Variants in GPC4 observed in about 807,000 individuals in gnomAD.
The protein encoded by GPC4 is glypican-4.
GPC4 carries 10 observed loss-of-function variants against 35.0 expected under a neutral mutation model. That is an observed-to-expected ratio of 0.29 (90% confidence interval 0.18 to 0.48). The LOEUF (loss-of-function observed/expected upper bound fraction) is 0.48. Ranked by LOEUF, GPC4 falls within the 20% of genes least tolerant of loss-of-function variation. GPC4 has a pLI of 0.99. For synonymous variants in GPC4, 167 were observed against 170.2 expected, an observed-to-expected ratio of 0.98 and a Z score of 0.15; for missense variants, 322 against 451.3, an observed-to-expected ratio of 0.71 and a Z score of 2.60.
chrX:133,404,866 A>AAAAAAAAAAAAAAAAAAAAAAG (rs753375530), intron 1 of GPC4, among the ~76,000 whole-genome samples: 2 of 89,274 alleles, frequency 2.2e-5, no homozygotes, highest in African/African-American at 1.0e-4. Context: ...AAAAAAAAAA[A>AAAAAAAAAAAAAAAAAAAAAAG]AAGGTGCAGA....
In GPC4 at chrX:133,415,069, C is replaced by A; in HGVS notation, c.-104G>T. ...CGGAGTCGGGGACTAGCGAGTGGAG[C>A]TGGAGGGAGAAGGAGTTGGAGTTGG... On this transcript the variant is annotated 5_prime_UTR_variant, in exon 1 of 9. Transcript: ENST00000370828. 1.2e-6 allele frequency: 1 copy of A among 837,161 alleles called. No individual in the cohort carries two copies. The highest frequency in any genetic ancestry group is 1.7e-6 in the Non-Finnish European group (1 of 598,514). 69.0% of individuals were successfully genotyped at this position (837,161 alleles called of 1,213,427 possible). A position where few individuals can be genotyped will look rare whatever the true frequency, so the allele number is the denominator to read the frequency against.
intron 1 of GPC4, among the ~76,000 whole-genome samples, chrX:133,355,431 C>T (rs2068537579): frequency 9.0e-6 from 1 of 111,729 alleles, no homozygotes; most frequent in African/African-American, 3.3e-5. Context: ...TGAGATGAAC[C>T]TTCATAGCTC....
intron 3 of GPC4, among the ~76,000 whole-genome samples, chrX:133,320,365 GC>G (rs1434066551): frequency 9.0e-6 from 1 of 111,604 alleles, no homozygotes; most frequent in African/African-American, 3.3e-5. Context: ...GGTGGCTCAT[GC>G]CTATAATTCC....
intron 1 of GPC4, among the ~76,000 whole-genome samples, chrX:133,407,820 A>T (rs1176574598): frequency 1.8e-5 from 2 of 112,490 alleles, no homozygotes; most frequent in Non-Finnish European, 3.7e-5. Flanking sequence ...TCTGCCAGTT[A>T]GTCATGCCGG....
At chrX:133,390,533 A>G (rs2068714602) in intron 1 of GPC4, among the ~76,000 whole-genome samples, 1 of 111,928 alleles carries the variant, frequency 8.9e-6, no homozygotes, top group Non-Finnish European at 1.9e-5. Context: ...GAGGGACAGG[A>G]GTTGCTAAAA....
At chrX:133,350,490 C>G (rs2068511877) in intron 1 of GPC4, among the ~76,000 whole-genome samples, 1 of 110,812 alleles carries the variant, frequency 9.0e-6, no homozygotes, top group African/African-American at 3.3e-5. Flanking sequence ...TGCCACTGCA[C>G]TCAAGCCTTG....
At chrX:133,377,877 C>CTTTTTTTTTTCTTTTTTTTTTTTT (rs2068641616) in intron 1 of GPC4, among the ~76,000 whole-genome samples, 3 of 86,190 alleles carry the variant, frequency 3.5e-5, no homozygotes, top group East Asian at 3.7e-4. Flanking sequence ...TTTTCTTTTT[C>CTTTTTTTTTTCTTTTTTTTTTTTT]TTTTTTTTTT....
chrX:133,332,236 A>T (rs749549804), intron 2 of GPC4, among the ~76,000 whole-genome samples: 1 of 111,914 alleles, frequency 8.9e-6, no homozygotes, highest in Admixed American at 9.5e-5. Flanking sequence ...TATAAATATA[A>T]TCCCCACTGC....
intron 1 of GPC4, among the ~76,000 whole-genome samples, chrX:133,370,126 C>T (rs1019383168): frequency 1.8e-5 from 2 of 111,709 alleles, no homozygotes; most frequent in African/African-American, 3.3e-5. Flanking sequence ...CAGAAGAGCA[C>T]GCCTCAAAAC....
rs753375530 is a variant in GPC4, at chrX:133,404,866, A to AAAAAAAAAAAAAAAAAAAAG, written c.160+9939_160+9940insCTTTTTTTTTTTTTTTTTTT. On this transcript the variant is annotated intron_variant, in intron 1 of 8. Coordinates refer to ENST00000370828, the MANE Select transcript of GPC4 (RefSeq NM_001448.3). ...GACCCTGTCTCAAAAAAAAAAAAAA[A>AAAAAAAAAAAAAAAAAAAAG]AAGGTGCAGAGGAACAAAATCATAA... 2.2e-4 allele frequency among the ~76,000 whole-genome samples: 20 copies of AAAAAAAAAAAAAAAAAAAAG among 89,261 alleles called. 1 individual carries two copies. Among genetic ancestry groups the AAAAAAAAAAAAAAAAAAAAG allele is most frequent in the African/African-American group, 9.4e-4 (18 of 19,221 alleles). 77.5% of individuals were successfully genotyped at this position (89,261 alleles called of 115,157 possible).
intron 3 of GPC4, among the ~76,000 whole-genome samples, chrX:133,322,755 C>T (rs147919599): frequency 0.014 from 1,600 of 112,216 alleles, 8 homozygotes; most frequent in Non-Finnish European, 0.021. Context: ...TTCCAGTCCT[C>T]AAAACAACCA....
intron 1 of GPC4, among the ~76,000 whole-genome samples, chrX:133,398,744 G>A (rs1482522763): frequency 9.2e-6 from 1 of 108,340 alleles, no homozygotes; most frequent in Non-Finnish European, 1.9e-5. Flanking sequence ...CTTTAGCCTG[G>A]GTGACAGACT....
chrX:133,335,512 C>A lies in GPC4; in HGVS notation c.319+3671G>T, dbSNP rs751914789. On this transcript the variant is annotated intron_variant, in intron 2 of 8. Transcript: ENST00000370828. ...TTATATCTTAAAAACTGATATAGAC[C>A]GTACAGTCTCTTGAGATGTGCAAAC... Among the ~76,000 whole-genome samples the A allele has an allele frequency of 5.4e-5, 6 of 111,045 alleles. No homozygotes were observed. The South Asian group carries it at 2.3e-3, about 43-fold the overall frequency.
At chrX:133,408,936 T>C (rs1311898281) in intron 1 of GPC4, among the ~76,000 whole-genome samples, 2 of 109,479 alleles carry the variant, frequency 1.8e-5, no homozygotes, top group Non-Finnish European at 3.8e-5. Flanking sequence ...GGCTGGATCA[T>C]TTGAGGTCAG....
At position 133,303,238 on chromosome X, in the gene GPC4, T is replaced by C. The variant is rs1257198200; in HGVS notation, c.1396A>G (p.Met466Val). The C allele has an allele frequency of 6.6e-6, 8 of 1,209,917 alleles. No individual in the cohort carries two copies. The highest frequency in any genetic ancestry group is 4.4e-5 in the Admixed American group (2 of 45,761). Residue 466 changes from methionine (M) to valine (V), a missense_variant, in exon 8 of 9, where the codon ATG becomes GTG. Physicochemically the swap from Met to Val is conservative, Grantham distance 21. Around this residue, in one of 3 missense-constraint regions of GPC4, gnomAD observed 99 missense variants for 110.0 expected, o/e 0.90. Transcript: ENST00000370828. ...TTGCTGGTCATCACTCGAAGAGCCATGATTTGACGAAGGATCAGTATGTCT... is the reference window on the plus strand; with the variant it reads ...TTGCTGGTCATCACTCGAAGAGCCACGATTTGACGAAGGATCAGTATGTCT... ...KPDILILRQI[M>V]ALRVMTSKMK...
chrX:133,410,450 G>GAGACAATGA (rs2068807890), intron 1 of GPC4, among the ~76,000 whole-genome samples: 1 of 112,226 alleles, frequency 8.9e-6, no homozygotes, highest in South Asian at 3.7e-4. Context: ...AATCATGTAA[G>GAGACAATGA]TTCCTTGGTA....
intron 1 of GPC4, among the ~76,000 whole-genome samples, chrX:133,355,966 T>C (rs941818837): frequency 8.9e-6 from 1 of 111,991 alleles, no homozygotes; most frequent in Non-Finnish European, 1.9e-5. Context: ...GAGCCATGCT[T>C]GTACAAACTG....
At chrX:133,373,582 G>C (rs1397209406) in intron 1 of GPC4, among the ~76,000 whole-genome samples, 1 of 111,421 alleles carries the variant, frequency 9.0e-6, no homozygotes, top group African/African-American at 3.3e-5. Flanking sequence ...AACCTCAAGG[G>C]AACTTCCAGT....
intron 4 of GPC4, among the ~76,000 whole-genome samples, chrX:133,310,725 T>C (rs1215418557): frequency 8.9e-6 from 1 of 112,009 alleles, no homozygotes; most frequent in Non-Finnish European, 1.9e-5. Flanking sequence ...GTGTAATAGA[T>C]ATAACATTTT....
Sources: allele counts gnomAD v4.1 joint callset (sites outside exome capture counted in the v4.1 genomes callset), GRCh38; gene constraint gnomAD v4.1.1; regional missense constraint gnomAD v4.1.1; transcripts MANE v1.5; gene names NCBI Gene and HGNC (gene_info 2026-07-23, HGNC 2026-07-21).